RNF6: variants seen among roughly 807,000 people sequenced by gnomAD.
RNF6 encodes E3 ubiquitin-protein ligase RNF6.
Under a neutral mutation model 50.1 loss-of-function variants are expected in RNF6, and 21 were observed. The ratio of observed to expected loss-of-function variants is 0.42; its 90% CI spans 0.30 to 0.60. The LOEUF (loss-of-function observed/expected upper bound fraction) is 0.60. Among genes scored for constraint, RNF6 ranks in the 20% least tolerant of loss-of-function variants. The probability of loss-of-function intolerance (pLI) is 0.20; values close to 1 mark genes in which losing one functional copy is unlikely to be tolerated. For missense variants in RNF6, 698 were observed against 838.2 expected (o/e 0.83, Z 2.07); for synonymous variants, 255 against 291.8 (o/e 0.87, Z 1.29).
rs552930425 is a variant in RNF6 at position 26,175,168 on chromosome 13, C to T, written n.768+40306G>A. ...TGATCTCGGCTCACTGCAACCTCCACCTCCCAGGTTCAAGCAATTCTCTTG... is the reference window on the plus strand; with the variant it reads ...TGATCTCGGCTCACTGCAACCTCCATCTCCCAGGTTCAAGCAATTCTCTTG... On this transcript the variant is annotated intron_variant and non_coding_transcript_variant, in intron 5 of 5. Transcript: ENST00000468480. 3.0e-4 allele frequency among the ~76,000 whole-genome samples: 46 copies of T among 152,250 alleles called. 1 individual carries two copies. Among genetic ancestry groups the T allele is most frequent in the African/African-American group, 1.0e-3 (43 of 41,528 alleles).
chr13:26,215,581 G>C lies in RNF6; in HGVS notation c.301C>G (p.Pro101Ala), dbSNP rs760883219. 14 of 1,601,172 alleles carry C rather than the reference G, an allele frequency of 8.7e-6. No individual in the cohort carries two copies. In the South Asian group the frequency reaches 1.4e-4, roughly 16 times the overall value. ...GAATCTTCATGTGAACTTTCTCTAG[G>C]GACTTCTGAGTCTAGAAAGCAAAGC... ...DGTNYRDSEV[P>A]RESSHEDSLL... The change falls in exon 5 of 5, where the codon CCT becomes GCT. Residue 101 changes from proline to alanine, a missense_variant. Coordinates refer to ENST00000381588, the MANE Select transcript of RNF6 (RefSeq NM_005977.4).
intron 3 of RNF6, 57 bp from the exon 4 acceptor site, chr13:26,218,663 C>T: frequency 7.5e-7 from 1 of 1,330,308 alleles, no homozygotes; most frequent in Non-Finnish European, 1.1e-6. Context: ...TATGAGACCT[C>T]ATGAAGGGTA....
At chr13:26,179,097 T>C (rs188943551) in intron 5 of RNF6, among the ~76,000 whole-genome samples, 1 of 152,298 alleles carries the variant, frequency 6.6e-6, no homozygotes, top group African/African-American at 2.4e-5. Context: ...TCTAAACACC[T>C]TGCCAGTTTC....
chr13:26,142,406 A>G (rs1251540968), intron 5 of RNF6: 2 of 152,172 alleles, frequency 1.3e-5, no homozygotes, highest in East Asian at 3.9e-4. Flanking sequence ...CATTCTACCA[A>G]AAAGACACAT....
chr13:26,198,078 T>C lies in RNF6; in HGVS notation n.768+17396A>G, dbSNP rs1037623774. Among the ~76,000 whole-genome samples, 9 of 151,576 alleles carry C rather than the reference T, an allele frequency of 5.9e-5. 1 individual carries two copies. The highest frequency in any genetic ancestry group is 2.2e-4 in the African/African-American group (9 of 41,032). ...ACATACATACATACATATGTATATA[T>C]GTGAGAATATGTATGTGTGTGTAGT... On this transcript the variant is annotated intron_variant and non_coding_transcript_variant, in intron 5 of 5. Coordinates refer to the RNF6 transcript ENST00000468480.
At chr13:26,206,928 AT>A (rs763771290) in intron 5 of RNF6, among the ~76,000 whole-genome samples, 5 of 150,314 alleles carry the variant, frequency 3.3e-5, no homozygotes, top group Middle Eastern at 3.4e-3. Context: ...AAAAAAAAAA[AT>A]TAAAAATTTT....
At chr13:26,215,698 C>T (rs1593196598) in intron 4 of RNF6, 106 bp from the exon 5 acceptor site, 8 of 996,180 alleles carry the variant, frequency 8.0e-6, no homozygotes, top group Non-Finnish European at 1.1e-5. Flanking sequence ...TAAAGAACAT[C>T]TGTGGATTTT....
chr13:26,215,285 GCTT>G lies in RNF6; in HGVS notation c.594_596del (p.Arg198del), dbSNP rs1231352004. ...TACCATTGAAATTCACTGAGGTTTGGCTTCTTGTTCGCCTAGCCACAGGACTAG... is the reference window on the plus strand; with the variant it reads ...TACCATTGAAATTCACTGAGGTTTGGCTTGTTCGCCTAGCCACAGGACTAG... On this transcript the variant is annotated inframe_deletion, in exon 5 of 5. Transcript: ENST00000381588. 6.2e-7 allele frequency: 1 copy of G among 1,614,144 alleles called. No individual in the cohort carries two copies. The highest frequency in any genetic ancestry group is 2.2e-5 in the East Asian group (1 of 44,888).
chr13:26,160,758 T>C (rs1375886159), intron 5 of RNF6, among the ~76,000 whole-genome samples: 1 of 152,018 alleles, frequency 6.6e-6, no homozygotes, highest in African/African-American at 2.4e-5. Flanking sequence ...GGCTGGACAT[T>C]TGAGATCAAG....
rs560254057 is a variant in RNF6, at chr13:26,132,119, T to A, written n.1101A>T. 597 of 133,376 alleles carry A rather than the reference T, an allele frequency of 4.5e-3. 3 individuals carry two copies. Among genetic ancestry groups the A allele is most frequent in the Admixed American group, 7.4e-3 (80 of 10,842 alleles). 8.3% of individuals were successfully genotyped at this position (133,376 alleles called of 1,614,324 possible). A position where few individuals can be genotyped will look rare whatever the true frequency, so the allele number is the denominator to read the frequency against. On this transcript the variant is annotated non_coding_transcript_exon_variant, in exon 6 of 6. Coordinates refer to the RNF6 transcript ENST00000468480. ...AACTGCCATACACTTTCCAGCCATA[T>A]TTAAGAATGCTTTTTTTTAATTACA... is the stretch of plus-strand genomic sequence containing the variant.
intron 5 of RNF6, among the ~76,000 whole-genome samples, chr13:26,151,262 A>G (rs1448992641): frequency 2.0e-5 from 3 of 151,506 alleles, no homozygotes; most frequent in East Asian, 1.9e-4. Context: ...AGATGGTCTG[A>G]TATCTTTTTT....
intron 5 of RNF6, among the ~76,000 whole-genome samples, chr13:26,174,984 A>G (rs1450285120): frequency 6.6e-6 from 1 of 152,104 alleles, no homozygotes; most frequent in East Asian, 1.9e-4. Flanking sequence ...TTAGTGGTTC[A>G]CTGTATGAAT....
intron 5 of RNF6, among the ~76,000 whole-genome samples, chr13:26,184,392 A>G (rs1013745948): frequency 6.6e-6 from 1 of 152,160 alleles, no homozygotes; most frequent in Non-Finnish European, 1.5e-5. Context: ...GCACTTTAAA[A>G]GTCTTCGAAC....
chr13:26,148,090 A>G (rs1871345397), intron 5 of RNF6, among the ~76,000 whole-genome samples: 1 of 152,192 alleles, frequency 6.6e-6, no homozygotes, highest in South Asian at 2.1e-4. Context: ...TACAACCATG[A>G]CATAAGGCGA....
intron 5 of RNF6, among the ~76,000 whole-genome samples, chr13:26,174,405 C>G (rs1376580308): frequency 1.3e-5 from 2 of 151,904 alleles, no homozygotes; most frequent in Non-Finnish European, 2.9e-5. Context: ...AATCCCAGCA[C>G]TTTGGGAGGC....
chr13:26,134,273 C>T (rs1456498581), intron 5 of RNF6, among the ~76,000 whole-genome samples: 1 of 152,262 alleles, frequency 6.6e-6, no homozygotes, highest in Non-Finnish European at 1.5e-5. Context: ...TGGCTTCCTA[C>T]CTGGCCTCCT....
intron 5 of RNF6, among the ~76,000 whole-genome samples, chr13:26,140,041 T>A (rs1470243074): frequency 2.6e-5 from 4 of 152,178 alleles, no homozygotes; most frequent in Non-Finnish European, 5.9e-5. Flanking sequence ...AAAATGTAAC[T>A]GACTTTGCAA....
At chr13:26,207,234 A>AG (rs1869147737) in intron 5 of RNF6, among the ~76,000 whole-genome samples, 1 of 151,940 alleles carries the variant, frequency 6.6e-6, no homozygotes, top group Admixed American at 6.6e-5. Context: ...CATGGGCAAA[A>AG]AAAAAAAAGT....
intron 5 of RNF6, among the ~76,000 whole-genome samples, chr13:26,174,610 AG>A (rs201843072): frequency 1.8e-4 from 28 of 152,008 alleles, no homozygotes; most frequent in African/African-American, 5.8e-4. Flanking sequence ...CTCAAAAAAA[AG>A]AAAACAAACC....
Sources: gnomAD v4.1 joint callset for allele counts (sites outside exome capture counted in the v4.1 genomes callset) on GRCh38, gnomAD v4.1.1 for gene constraint, MANE v1.5 for transcripts, NCBI Gene and HGNC (gene_info 2026-07-23, HGNC 2026-07-21) for gene names.